The following CDYL2 variants were observed in gnomAD, a reference collection of about 807,000 sequenced individuals.
CDYL2 encodes the protein chromodomain Y-like protein 2.
Under a neutral mutation model 49.4 loss-of-function variants are expected in CDYL2, and 23 were observed. The ratio of observed to expected loss-of-function variants is 0.47; its 90% CI spans 0.34 to 0.66. The LOEUF is 0.66. Among genes scored for constraint, CDYL2 ranks in the 30% least tolerant of loss-of-function variants. The probability of loss-of-function intolerance (pLI) is 0.01; values close to 1 mark genes in which losing one functional copy is unlikely to be tolerated. For synonymous variants in CDYL2, 360 were observed against 268.8 expected, an observed-to-expected ratio of 1.34 and a Z score of -3.32; for missense variants, 678 against 656.4, an observed-to-expected ratio of 1.03 and a Z score of -0.36.
intron 2 of CDYL2, among the ~76,000 whole-genome samples, chr16:80,635,358 C>G (rs376511796): frequency 5.3e-5 from 8 of 152,298 alleles, no homozygotes; most frequent in African/African-American, 1.9e-4. Context: ...TCATAAACAA[C>G]TTCAGCAAAG....
intron 2 of CDYL2, among the ~76,000 whole-genome samples, chr16:80,658,063 TA>T (rs201798442): frequency 2.2e-4 from 27 of 124,076 alleles, no homozygotes; most frequent in African/African-American, 2.1e-4. Flanking sequence ...CCTTTAAATG[TA>T]AAAAAAAAAG....
At chr16:80,680,817 A>G (rs1909940083) in intron 2 of CDYL2, among the ~76,000 whole-genome samples, 2 of 152,148 alleles carry the variant, frequency 1.3e-5, no homozygotes, top group African/African-American at 4.8e-5. Flanking sequence ...GGCTGTTACA[A>G]TTCAGCATGA....
intron 2 of CDYL2, among the ~76,000 whole-genome samples, chr16:80,661,630 C>T (rs563316914): frequency 1.3e-5 from 2 of 152,152 alleles, no homozygotes; most frequent in African/African-American, 4.8e-5. Context: ...CTGAAACTAG[C>T]CCTGGTCTCA....
chr16:80,695,736 G>C (rs943342471), intron 1 of CDYL2, among the ~76,000 whole-genome samples: 1 of 152,056 alleles, frequency 6.6e-6, no homozygotes, highest in Non-Finnish European at 1.5e-5. Context: ...CCCAACACAG[G>C]AGCACCCAGA....
chr16:80,759,124 ATATATATAT>A (rs1906433240), intron 1 of CDYL2, among the ~76,000 whole-genome samples: 1 of 133,220 alleles, frequency 7.5e-6, no homozygotes, highest in African/African-American at 2.9e-5. Context: ...ATATATATAT[ATATATATAT>A]ATATATGGTT....
At chr16:80,658,141 A>G (rs1908889535) in intron 2 of CDYL2, among the ~76,000 whole-genome samples, 1 of 152,018 alleles carries the variant, frequency 6.6e-6, no homozygotes, top group South Asian at 2.1e-4. Flanking sequence ...AATAAACCAG[A>G]AAACAATGAA....
chr16:80,692,201 G>A (rs1910444122), intron 1 of CDYL2, among the ~76,000 whole-genome samples: 2 of 152,192 alleles, frequency 1.3e-5, no homozygotes, highest in African/African-American at 2.4e-5. Context: ...GACGGGGGAA[G>A]GAGAGTTTGA....
intron 1 of CDYL2, among the ~76,000 whole-genome samples, chr16:80,688,524 C>T (rs1469548995): frequency 2.0e-5 from 3 of 152,210 alleles, no homozygotes; most frequent in Non-Finnish European, 4.4e-5. Flanking sequence ...CTTTTATATA[C>T]ATTGTTTCAC....
intron 1 of CDYL2, among the ~76,000 whole-genome samples, chr16:80,793,946 T>A (rs901255691): frequency 1.3e-5 from 2 of 152,308 alleles, no homozygotes; most frequent in Non-Finnish European, 2.9e-5. Flanking sequence ...TGTTTGTAAA[T>A]AAAAACACAA....
chr16:80,802,931 A>T (rs925957796), intron 1 of CDYL2, among the ~76,000 whole-genome samples: 3 of 152,174 alleles, frequency 2.0e-5, no homozygotes, highest in Non-Finnish European at 4.4e-5. Flanking sequence ...ATCTCAATGG[A>T]GCCCCAAAGC....
intron 1 of CDYL2, among the ~76,000 whole-genome samples, chr16:80,695,346 C>G (rs1046471577): frequency 3.3e-5 from 5 of 152,280 alleles, no homozygotes; most frequent in Admixed American, 1.3e-4. Context: ...AAGAAAGAAA[C>G]AAAGGCTATA....
intron 4 of CDYL2, 125 bp downstream of exon 4, chr16:80,620,638 G>T: frequency 1.1e-6 from 1 of 893,416 alleles, no homozygotes; most frequent in Non-Finnish European, 1.6e-6. Context: ...GTATTGCACA[G>T]GATATACTTA....
At chr16:80,665,265 A>G (rs1909212426) in intron 2 of CDYL2, among the ~76,000 whole-genome samples, 1 of 151,994 alleles carries the variant, frequency 6.6e-6, no homozygotes, top group Non-Finnish European at 1.5e-5. Flanking sequence ...TGCGTCTATA[A>G]TCTCCTTGCT....
intron 2 of CDYL2, among the ~76,000 whole-genome samples, chr16:80,644,034 GCT>G (rs1308237268): frequency 7.9e-5 from 12 of 152,308 alleles, no homozygotes; most frequent in Non-Finnish European, 1.5e-4. Flanking sequence ...AAACTTTTAT[GCT>G]CTGTTTCCCT....
At chr16:80,745,929 G>A (rs995864519) in intron 1 of CDYL2, among the ~76,000 whole-genome samples, 2 of 152,084 alleles carry the variant, frequency 1.3e-5, no homozygotes, top group African/African-American at 2.4e-5. Flanking sequence ...ACGTGGCCGC[G>A]ACCCAACTAC....
chr16:80,659,328 T>C (rs1296378705), intron 2 of CDYL2, among the ~76,000 whole-genome samples: 2 of 152,168 alleles, frequency 1.3e-5, no homozygotes, highest in Admixed American at 1.3e-4. Flanking sequence ...ACTAAAGGCA[T>C]CATGGAATTC....
intron 1 of CDYL2, among the ~76,000 whole-genome samples, chr16:80,695,362 C>A (rs572462818): frequency 6.6e-6 from 1 of 152,288 alleles, no homozygotes; most frequent in East Asian, 1.9e-4. Context: ...CTATACAAAA[C>A]AACCACAAAG....
In CDYL2 at chr16:80,652,541, A is replaced by C. The variant is rs541174423; in HGVS notation, c.617-19305T>G. 4.7e-4 allele frequency among the ~76,000 whole-genome samples: 71 copies of C among 152,362 alleles called. 2 individuals are homozygous for C. The South Asian group carries it at 0.015, about 31-fold the overall frequency. On this transcript the variant is annotated intron_variant, in intron 2 of 6. Coordinates refer to ENST00000570137, the MANE Select transcript of CDYL2 (RefSeq NM_152342.4). ...TATTGCAACCTCAAAGCAATGGAGT[A>C]TAACTTCCCATTCCTGAGTGAGCAC...
chr16:80,687,651 A>T (rs1461753018), intron 1 of CDYL2, among the ~76,000 whole-genome samples: 7 of 152,158 alleles, frequency 4.6e-5, no homozygotes, highest in African/African-American at 1.4e-4. Context: ...ATAGATTAAT[A>T]GATGACACTT....
Sources: gnomAD v4.1 joint callset for allele counts (sites outside exome capture counted in the v4.1 genomes callset) on GRCh38, gnomAD v4.1.1 for gene constraint, MANE v1.5 for transcripts, NCBI Gene and HGNC (gene_info 2026-07-23, HGNC 2026-07-21) for gene names.